KLHL1: variants seen among roughly 807,000 people sequenced by gnomAD.
The protein encoded by KLHL1 is kelch like family member 1.
KLHL1 carries 47 observed loss-of-function variants against 77.7 expected under a neutral mutation model. The ratio of observed to expected loss-of-function variants is 0.60; its 90% CI spans 0.48 to 0.77. The LOEUF (loss-of-function observed/expected upper bound fraction) is 0.77, where lower values mean the gene tolerates loss of function less well. Ranked by LOEUF, KLHL1 falls within the 30% of genes least tolerant of loss-of-function variation. The probability of loss-of-function intolerance (pLI) is 0.00; values close to 1 mark genes in which losing one functional copy is unlikely to be tolerated. For missense variants in KLHL1, 925 were observed against 910.8 expected (o/e 1.02, Z -0.20); for synonymous variants, 360 against 325.2 (o/e 1.11, Z -1.15).
intron 4 of KLHL1, among the ~76,000 whole-genome samples, chr13:69,918,250 T>G (rs1038106465): frequency 1.3e-5 from 2 of 152,014 alleles, no homozygotes; most frequent in South Asian, 4.1e-4. Context: ...TATTTTAAAA[T>G]ATAATTAAAT....
At chr13:69,865,660 T>C (rs1040652099) in intron 5 of KLHL1, among the ~76,000 whole-genome samples, 3 of 151,992 alleles carry the variant, frequency 2.0e-5, no homozygotes, top group African/African-American at 7.2e-5. Flanking sequence ...ACCCAGAAAG[T>C]GGAGATTTAA....
At chr13:69,963,070 A>AT (rs1306819055) in intron 2 of KLHL1, among the ~76,000 whole-genome samples, 1 of 151,598 alleles carries the variant, frequency 6.6e-6, no homozygotes, top group Non-Finnish European at 1.5e-5. Context: ...TAATTTCAGC[A>AT]TTTTTTTTAG....
At chr13:69,957,489 C>A (rs78327620) in intron 3 of KLHL1, among the ~76,000 whole-genome samples, 1,567 of 151,762 alleles carry the variant, frequency 0.01, 27 homozygotes, top group African/African-American at 0.035. Flanking sequence ...TGATTTACAA[C>A]GAGGATAGCA....
intron 7 of KLHL1, among the ~76,000 whole-genome samples, chr13:69,775,942 G>A (rs1593817644): frequency 6.6e-6 from 1 of 151,958 alleles, no homozygotes; most frequent in Admixed American, 6.6e-5. Context: ...CACAAGGTCA[G>A]GAGATCGAGA....
At chr13:70,055,643 GA>G (rs1366025149) in intron 1 of KLHL1, among the ~76,000 whole-genome samples, 3 of 151,994 alleles carry the variant, frequency 2.0e-5, no homozygotes, top group African/African-American at 7.2e-5. Context: ...GACATAAATG[GA>G]AACAACAAAA....
intron 2 of KLHL1, among the ~76,000 whole-genome samples, chr13:69,964,777 T>C (rs1389967661): frequency 6.6e-6 from 1 of 152,162 alleles, no homozygotes; most frequent in Non-Finnish European, 1.5e-5. Context: ...TTATCTATCT[T>C]CTCCTATAAA....
At chr13:69,722,675 A>G (rs1873119744) in intron 8 of KLHL1, among the ~76,000 whole-genome samples, 1 of 152,098 alleles carries the variant, frequency 6.6e-6, no homozygotes, top group African/African-American at 2.4e-5. Context: ...GGATGTGAAA[A>G]AGGAGAAACT....
intron 1 of KLHL1, among the ~76,000 whole-genome samples, chr13:70,093,931 A>G (rs1887729756): frequency 6.6e-6 from 1 of 152,200 alleles, no homozygotes; most frequent in African/African-American, 2.4e-5. Flanking sequence ...TTAACCAAGT[A>G]AGAATTTCAT....
chr13:69,935,379 T>C (rs767024773), intron 4 of KLHL1, among the ~76,000 whole-genome samples: 2 of 151,116 alleles, frequency 1.3e-5, no homozygotes, highest in African/African-American at 2.4e-5. Context: ...AGTTGTTTTA[T>C]GTTATCAAGA....
Position 69,839,005 on chromosome 13 carries a change from T to A in KLHL1, c.1385A>T (p.Tyr462Phe). The change falls in exon 6 of 11, where the codon TAT becomes TTT. Residue 462 changes from tyrosine to phenylalanine, a missense_variant. Tyr to Phe is a conservative substitution (Grantham distance 22). Coordinates refer to ENST00000377844, the MANE Select transcript of KLHL1 (RefSeq NM_020866.3). ...KPRKSTVGTL[Y>F]AVGGMDNNKG... Reference sequence around the variant, plus strand: ...GTTGTTATCCATTCCTCCTACAGCATACAAAGTTCCGACTGTAGATTTTCT... The same window carrying A: ...GTTGTTATCCATTCCTCCTACAGCAAACAAAGTTCCGACTGTAGATTTTCT... The A allele has an allele frequency of 6.2e-7, 1 of 1,609,298 alleles. No homozygotes were observed. The highest frequency in any genetic ancestry group is 8.5e-7 in the Non-Finnish European group (1 of 1,177,484).
chr13:69,814,346 AATGTATTACT>A (rs1368730776), intron 6 of KLHL1, among the ~76,000 whole-genome samples: 2 of 152,210 alleles, frequency 1.3e-5, no homozygotes, highest in South Asian at 4.1e-4. Context: ...ATTGGCAAAT[AATGTATTACT>A]ATGTCCTGAA....
intron 3 of KLHL1, among the ~76,000 whole-genome samples, chr13:69,949,321 TC>T (rs201260904): frequency 0.01 from 1,561 of 151,920 alleles, 27 homozygotes; most frequent in African/African-American, 0.035. Context: ...TTTCAGACTT[TC>T]CTTTTTTTAA....
intron 4 of KLHL1, among the ~76,000 whole-genome samples, chr13:69,919,295 A>T (rs1483561817): frequency 6.6e-6 from 1 of 152,100 alleles, no homozygotes; most frequent in East Asian, 1.9e-4. Context: ...CTTGTTATTA[A>T]GGCTTACTTT....
rs1035612197 is a variant in KLHL1 at position 69,782,301 on chromosome 13, C to T, written c.1639+14437G>A. Among the ~76,000 whole-genome samples, 3 of 152,312 alleles carry T rather than the reference C, an allele frequency of 2.0e-5. 1 individual carries two copies. Among genetic ancestry groups the T allele is most frequent in the South Asian group, 4.1e-4 (2 of 4,828 alleles). ...ACCGGGTTCATCTCACTAGGGAGTGCCAGACAGTGGGCGCAGGTCAGTGGG... is the reference window on the plus strand; with the variant it reads ...ACCGGGTTCATCTCACTAGGGAGTGTCAGACAGTGGGCGCAGGTCAGTGGG... On this transcript the variant is annotated intron_variant, in intron 7 of 10. Transcript: ENST00000377844.
chr13:69,881,093 G>A (rs778438881), intron 5 of KLHL1, among the ~76,000 whole-genome samples: 3 of 152,060 alleles, frequency 2.0e-5, no homozygotes, highest in South Asian at 2.1e-4. Flanking sequence ...GCATGTTTCC[G>A]CTTCTTTGTA....
chr13:69,775,925 G>A (rs1875805653), intron 7 of KLHL1, among the ~76,000 whole-genome samples: 1 of 151,974 alleles, frequency 6.6e-6, no homozygotes, highest in Admixed American at 6.6e-5. Context: ...GGCCGAGGCG[G>A]GAGGATCACA....
At chr13:69,872,097 C>G (rs1880609028) in intron 5 of KLHL1, among the ~76,000 whole-genome samples, 1 of 152,136 alleles carries the variant, frequency 6.6e-6, no homozygotes. Flanking sequence ...GTTCATTTGT[C>G]TTACAGCTCT....
rs143476000 is a variant in KLHL1 at position 69,923,524 on chromosome 13, T to G, written c.1014+16516A>C. On this transcript the variant is annotated intron_variant, in intron 4 of 10. Transcript: ENST00000377844. ...ATTCTTAAGATGCTTTTATTTATAC[T>G]TATTATTTTTAAAGTGCCATCTTGA... is the stretch of plus-strand genomic sequence containing the variant. Among the ~76,000 whole-genome samples the G allele has an allele frequency of 4.6e-4, 70 of 152,346 alleles. 2 individuals carry two copies. In the East Asian group the frequency reaches 0.01, roughly 23 times the overall value.
intron 1 of KLHL1, among the ~76,000 whole-genome samples, chr13:69,996,826 C>G (rs1885163842): frequency 1.3e-5 from 2 of 151,034 alleles, no homozygotes; most frequent in Admixed American, 1.3e-4. Flanking sequence ...CTTTAAGTGG[C>G]CTATGACATT....
Sources: gnomAD v4.1 joint callset for allele counts (sites outside exome capture counted in the v4.1 genomes callset) on GRCh38, gnomAD v4.1.1 for gene constraint, MANE v1.5 for transcripts, NCBI Gene and HGNC (gene_info 2026-07-23, HGNC 2026-07-21) for gene names.